PRKN: variants seen among roughly 807,000 people sequenced by gnomAD.
The protein encoded by PRKN is parkin RBR E3 ubiquitin protein ligase.
Under a neutral mutation model 59.5 loss-of-function variants are expected in PRKN, and 56 were observed. The ratio of observed to expected loss-of-function variants is 0.94; its 90% CI spans 0.76 to 1.18. The LOEUF is 1.18. Ranked by LOEUF, PRKN falls within the 50% of genes most tolerant of loss-of-function variation. The probability of loss-of-function intolerance (pLI) is 0.00; values close to 1 mark genes in which losing one functional copy is unlikely to be tolerated. For missense variants in PRKN, 657 were observed against 596.4 expected, an observed-to-expected ratio of 1.10 and a Z score of -1.06; for synonymous variants, 250 against 222.1, an observed-to-expected ratio of 1.13 and a Z score of -1.12.
intron 1 of PRKN, among the ~76,000 whole-genome samples, chr6:162,451,744 A>G (rs1790636851): frequency 2.0e-5 from 3 of 152,218 alleles, no homozygotes; most frequent in South Asian, 2.1e-4. Flanking sequence ...GACATATTAG[A>G]TAATATCAAA....
intron 1 of PRKN, among the ~76,000 whole-genome samples, chr6:162,471,387 T>G (rs1791736388): frequency 6.6e-6 from 1 of 152,140 alleles, no homozygotes; most frequent in Non-Finnish European, 1.5e-5. Context: ...CGTGAGCCAC[T>G]GTACCTCGCC....
In PRKN at chr6:161,488,764, C is replaced by T. The variant is rs367644310; in HGVS notation, c.1083+60090G>A. ...CCTCCTGAAGTGTTGGGATTACAGG[C>T]GTAAGCCACCACACCTGGCATAACA... On this transcript the variant is annotated intron_variant, in intron 9 of 11. Coordinates refer to ENST00000366898, the MANE Select transcript of PRKN (RefSeq NM_004562.3). This position sits in a 1 kb window ranked among gnomAD's most constrained non-coding sequence, Gnocchi z 4.5. Among the ~76,000 whole-genome samples, 28 of 152,208 alleles carry T rather than the reference C, an allele frequency of 1.8e-4. No homozygotes were observed. Among genetic ancestry groups the T allele is most frequent in the East Asian group, 5.8e-4 (3 of 5,166 alleles).
intron 6 of PRKN, among the ~76,000 whole-genome samples, chr6:161,811,047 C>A (rs1454495646): frequency 6.6e-6 from 1 of 152,114 alleles, no homozygotes; most frequent in Non-Finnish European, 1.5e-5. Flanking sequence ...TCGAAATAAT[C>A]CCTTTTGAAA....
chr6:162,691,715 A>G (rs1167705132), intron 1 of PRKN, among the ~76,000 whole-genome samples: 2 of 152,196 alleles, frequency 1.3e-5, no homozygotes, highest in African/African-American at 4.8e-5. Context: ...CGATTCTAAT[A>G]CTTTCATAAA....
intron 6 of PRKN, among the ~76,000 whole-genome samples, chr6:161,909,239 T>A (rs917958566): frequency 3.3e-5 from 5 of 152,216 alleles, no homozygotes; most frequent in African/African-American, 9.6e-5. Context: ...GAAATGTTTT[T>A]TCTTACTCTG....
At position 161,448,074 on chromosome 6, in the gene PRKN, C is replaced by T. The variant is rs1789574439; in HGVS notation, c.1084-61197G>A. Among the ~76,000 whole-genome samples, 1 of 152,276 alleles carries T rather than the reference C, an allele frequency of 6.6e-6. No homozygotes were observed. The highest frequency in any genetic ancestry group is 2.4e-5 in the African/African-American group (1 of 41,544). On this transcript the variant is annotated intron_variant, in intron 9 of 11. Coordinates refer to ENST00000366898, the MANE Select transcript of PRKN (RefSeq NM_004562.3). The surrounding 1 kb of genome is among the most constrained non-coding windows in gnomAD (Gnocchi z 5.1). ...TTTATAATAAAATGCTAAGCAACCC[C>T]CTTAGAGTGAAGTCAACAGTAGCCA...
In PRKN at chr6:161,388,361, C is replaced by T. The variant is rs1181359907; in HGVS notation, c.1084-1484G>A. Among the ~76,000 whole-genome samples the T allele has an allele frequency of 6.6e-6, 1 of 152,190 alleles. No homozygotes were observed. The highest frequency in any genetic ancestry group is 1.5e-5 in the Non-Finnish European group (1 of 68,040). On this transcript the variant is annotated intron_variant, in intron 9 of 11. Coordinates refer to ENST00000366898, the MANE Select transcript of PRKN (RefSeq NM_004562.3). The surrounding 1 kb of genome is among the most constrained non-coding windows in gnomAD (Gnocchi z 4.3). Reference sequence around the variant, plus strand: ...ATAAGAACAACAGGGACTATTTTGCCCCTACTCCATTTCATAGGAAGGAGT... The same window carrying T: ...ATAAGAACAACAGGGACTATTTTGCTCCTACTCCATTTCATAGGAAGGAGT...
At chr6:161,968,225 A>G (rs1348461998) in intron 6 of PRKN, among the ~76,000 whole-genome samples, 3 of 131,998 alleles carry the variant, frequency 2.3e-5, no homozygotes, top group African/African-American at 8.9e-5. Context: ...ATTAGTAGAG[A>G]TGGGATTTCC....
intron 6 of PRKN, among the ~76,000 whole-genome samples, chr6:161,957,409 G>GTTGTTTTT (rs1562418017): frequency 7.8e-6 from 1 of 127,394 alleles, no homozygotes. Context: ...TGTTCTTGTT[G>GTTGTTTTT]TTTTTTTTTT....
chr6:161,794,624 G>C (rs1435638583), intron 6 of PRKN, among the ~76,000 whole-genome samples: 1 of 151,780 alleles, frequency 6.6e-6, no homozygotes, highest in Non-Finnish European at 1.5e-5. Flanking sequence ...TTCACCCTAT[G>C]GAATGTCTTT....
At chr6:162,011,404 A>ATATATTATATTT (rs1782687363) in intron 5 of PRKN, among the ~76,000 whole-genome samples, 1 of 16,188 alleles carries the variant, frequency 6.2e-5, no homozygotes, top group African/African-American at 3.4e-4. Context: ...TATTATAAAT[A>ATATATTATATTT]TATAATATAT....
chr6:162,208,767 T>C (rs1583200749), intron 3 of PRKN, among the ~76,000 whole-genome samples: 1 of 152,122 alleles, frequency 6.6e-6, no homozygotes, highest in East Asian at 1.9e-4. Context: ...ATAATATAAA[T>C]GTAGATGGAA....
intron 4 of PRKN, among the ~76,000 whole-genome samples, chr6:162,087,308 G>C (rs7743774): frequency 0.3 from 46,195 of 151,968 alleles, 7,381 homozygotes; most frequent in East Asian, 0.63. Context: ...TCAATATAAA[G>C]AGTATCAAAA....
chr6:161,719,275 A>G (rs567415009), intron 7 of PRKN, among the ~76,000 whole-genome samples: 82 of 152,034 alleles, frequency 5.4e-4, no homozygotes, highest in Non-Finnish European at 5.9e-4. Context: ...CAGGAGAAAT[A>G]AAGAAAGTAA....
At chr6:161,758,594 T>C (rs2128197561) in intron 7 of PRKN, among the ~76,000 whole-genome samples, 1 of 152,318 alleles carries the variant, frequency 6.6e-6, no homozygotes, top group Non-Finnish European at 1.5e-5. Flanking sequence ...TTGATTGTTT[T>C]ACTGGCATAT....
At position 161,445,918 on chromosome 6, in the gene PRKN, T is replaced by C. The variant is rs1789469762; in HGVS notation, c.1084-59041A>G. ...TTCTGGAAAGCCTCCTGTGGGGAGA[T>C]GGAGTGGCGGGGATAGGGACCAGAG... On this transcript the variant is annotated intron_variant, in intron 9 of 11. Coordinates refer to ENST00000366898, the MANE Select transcript of PRKN (RefSeq NM_004562.3). The surrounding 1 kb of genome is among the most constrained non-coding windows in gnomAD (Gnocchi z 7.7). Among the ~76,000 whole-genome samples the C allele has an allele frequency of 6.6e-6, 1 of 151,596 alleles. No homozygotes were observed. The highest frequency in any genetic ancestry group is 1.5e-5 in the Non-Finnish European group (1 of 67,934).
rs945219118 is a variant in PRKN, at chr6:162,397,185, T to A, written c.171+46125A>T. Among the ~76,000 whole-genome samples, 5 of 152,306 alleles carry A rather than the reference T, an allele frequency of 3.3e-5. No homozygotes were observed. The East Asian group carries it at 9.7e-4, about 29-fold the overall frequency. ...AGAGGACACAGCTGACTTAATGAAG[T>A]AAATTCCAGAAAATTTGCTTAATTA... On this transcript the variant is annotated intron_variant, in intron 2 of 11. Coordinates refer to ENST00000366898, the MANE Select transcript of PRKN (RefSeq NM_004562.3).
intron 2 of PRKN, chr6:162,275,443 T>G (rs1281459941): frequency 6.6e-6 from 1 of 152,174 alleles, no homozygotes; most frequent in Non-Finnish European, 1.5e-5. Context: ...TCAAAATAAG[T>G]TGACTCTAGC....
At chr6:161,424,784 A>G (rs1266998154) in intron 9 of PRKN, among the ~76,000 whole-genome samples, 1 of 152,022 alleles carries the variant, frequency 6.6e-6, no homozygotes, top group Non-Finnish European at 1.5e-5. Flanking sequence ...AAAGGAATTA[A>G]CTCATCTAGG....
Sources: allele counts gnomAD v4.1 joint callset (sites outside exome capture counted in the v4.1 genomes callset), GRCh38; gene constraint gnomAD v4.1.1; non-coding constraint Gnocchi (gnomAD v3.1); transcripts MANE v1.5; gene names NCBI Gene and HGNC (gene_info 2026-07-23, HGNC 2026-07-21).